Variants in DMD observed in about 807,000 individuals in gnomAD.
The protein encoded by DMD is mutant dystrophin.
In DMD, 63 loss-of-function variants were observed where a neutral mutation model predicts 330.1. The ratio of observed to expected loss-of-function variants is 0.19; its 90% CI spans 0.16 to 0.24. The LOEUF (loss-of-function observed/expected upper bound fraction) is 0.24, where lower values mean the gene tolerates loss of function less well. DMD is among the 10% of genes least tolerant of loss of function. The probability of loss-of-function intolerance (pLI) is 1.00; values close to 1 mark genes in which losing one functional copy is unlikely to be tolerated. For synonymous variants in DMD, 1,223 were observed against 959.8 expected, an observed-to-expected ratio of 1.27 and a Z score of -5.07; for missense variants, 3,344 against 2,684.1, an observed-to-expected ratio of 1.25 and a Z score of -5.43.
At chrX:31,235,434 A>C (rs1209734242) in intron 63 of DMD, among the ~76,000 whole-genome samples, 1 of 112,379 alleles carries the variant, frequency 8.9e-6, no homozygotes, top group African/African-American at 3.2e-5. Context: ...TACTGATAGA[A>C]ATGACTGATG....
chrX:32,387,717 TTAGAAGATA>T (rs1435023327), intron 32 of DMD, among the ~76,000 whole-genome samples: 1 of 111,379 alleles, frequency 9.0e-6, no homozygotes, highest in Non-Finnish European at 1.9e-5. Flanking sequence ...TACTTTTTTC[TTAGAAGATA>T]TAAAAATATC....
At chrX:32,458,902 A>G (rs1050486945) in intron 25 of DMD, among the ~76,000 whole-genome samples, 5 of 111,185 alleles carry the variant, frequency 4.5e-5, no homozygotes, top group African/African-American at 1.6e-4. Context: ...GATATTAATC[A>G]TTTGCCAGAC....
At position 31,792,754 on chromosome X, in the gene DMD, C is replaced by T. The variant is rs113025350; in HGVS notation, c.7310-18562G>A. Among the ~76,000 whole-genome samples, 10 of 111,456 alleles carry T rather than the reference C, an allele frequency of 9.0e-5. No homozygotes were observed. The South Asian group carries it at 1.9e-3, about 21-fold the overall frequency. On this transcript the variant is annotated intron_variant, in intron 50 of 78. Coordinates refer to ENST00000357033, the MANE Select transcript of DMD (RefSeq NM_004006.3). ...CACTGGAGCAGCATCTAGGTGGAGG[C>T]GTCTGCGACCCCTGAAGCCCCAGAG... is the stretch of plus-strand genomic sequence containing the variant.
rs192790462 is a variant in DMD, at chrX:33,009,500, A to G, written c.93+10639T>C. The stretch of plus-strand genomic sequence containing the variant: ...TGTGTATACACATGTGTGTATATGT[A>G]TATGTGTATATACACATATGTGTGT... On this transcript the variant is annotated intron_variant, in intron 2 of 78. Transcript: ENST00000357033. 3.9e-4 allele frequency among the ~76,000 whole-genome samples: 33 copies of G among 84,950 alleles called. 3 individuals carry two copies. Among genetic ancestry groups the G allele is most frequent in the South Asian group, 1.0e-3 (2 of 1,922 alleles). 73.8% of individuals were successfully genotyped at this position (84,950 alleles called of 115,157 possible).
chrX:32,577,878 C>T (rs1439511195), intron 13 of DMD, among the ~76,000 whole-genome samples: 1 of 112,484 alleles, frequency 8.9e-6, no homozygotes, highest in African/African-American at 3.2e-5. Flanking sequence ...TGCTCATACG[C>T]TGTAAACATC....
At chrX:33,319,815 C>T (rs1052288782) in intron 1 of DMD, among the ~76,000 whole-genome samples, 1 of 111,558 alleles carries the variant, frequency 9.0e-6, no homozygotes, top group East Asian at 2.8e-4. Context: ...TTTCCATTTC[C>T]ATGGCTAATT....
At position 31,119,884 on chromosome X, in the gene DMD, GAAT is replaced by G. The variant is rs1340415665; in HGVS notation, c.*2032_*2034del. 1 of 111,729 alleles carries G rather than the reference GAAT, an allele frequency of 9.0e-6. No homozygotes were observed. The highest frequency in any genetic ancestry group is 1.9e-5 in the Non-Finnish European group (1 of 53,061). 9.2% of individuals were successfully genotyped at this position (111,729 alleles called of 1,213,427 possible). ...TTGAAAATTATGAAGGAAAAAGAAAGAATTATAAAGGAAAAAGAAAATAACGCA... is the reference window on the plus strand; with the variant it reads ...TTGAAAATTATGAAGGAAAAAGAAAGTATAAAGGAAAAAGAAAATAACGCA... On this transcript the variant is annotated 3_prime_UTR_variant, in exon 79 of 79. Coordinates refer to ENST00000357033, the MANE Select transcript of DMD (RefSeq NM_004006.3).
At chrX:31,557,583 C>A (rs1478971515) in intron 55 of DMD, among the ~76,000 whole-genome samples, 1 of 112,193 alleles carries the variant, frequency 8.9e-6, no homozygotes, top group Non-Finnish European at 1.9e-5. Context: ...ATCCTTAAAT[C>A]TAGCAATTAG....
chrX:31,440,619 G>A (rs776429331), intron 60 of DMD, among the ~76,000 whole-genome samples: 2 of 112,143 alleles, frequency 1.8e-5, no homozygotes, highest in East Asian at 5.6e-4. Context: ...ACGTAAAAGG[G>A]AATAATGATA....
intron 48 of DMD, among the ~76,000 whole-genome samples, chrX:31,851,724 T>G (rs1449907798): frequency 1.8e-5 from 2 of 111,695 alleles, no homozygotes; most frequent in Admixed American, 1.9e-4. Context: ...TAATGTGTAG[T>G]AAAAGAGAAA....
intron 44 of DMD, among the ~76,000 whole-genome samples, chrX:32,063,601 G>C (rs892818640): frequency 9.9e-5 from 11 of 111,064 alleles, no homozygotes; most frequent in South Asian, 7.5e-4. Context: ...GTGCAAACAC[G>C]AACTTTTATG....
intron 44 of DMD, among the ~76,000 whole-genome samples, chrX:32,123,236 T>TATATAC (rs1557152421): frequency 2.3e-5 from 2 of 87,157 alleles, no homozygotes; most frequent in African/African-American, 8.7e-5. Context: ...TATATATATA[T>TATATAC]ATATATAAAT....
intron 48 of DMD, among the ~76,000 whole-genome samples, chrX:31,862,606 G>A (rs192659706): frequency 8.9e-6 from 1 of 112,290 alleles, no homozygotes; most frequent in Non-Finnish European, 1.9e-5. Context: ...GATAACAACA[G>A]TTCCAGAAAA....
chrX:31,746,313 T>A (rs1053420021), intron 51 of DMD, among the ~76,000 whole-genome samples: 3 of 111,441 alleles, frequency 2.7e-5, no homozygotes, highest in Non-Finnish European at 3.8e-5. Flanking sequence ...ACACAGTTAA[T>A]CAGAATAATT....
chrX:31,434,183 A>C (rs2064294895), intron 60 of DMD, among the ~76,000 whole-genome samples: 1 of 111,566 alleles, frequency 9.0e-6, no homozygotes. Context: ...TTAATTATAC[A>C]TTAACTCTGC....
In DMD at chrX:31,808,082, T is replaced by C. The variant is rs1460888486; in HGVS notation, c.7309+11893A>G. On this transcript the variant is annotated intron_variant, in intron 50 of 78. Transcript: ENST00000357033. Reference sequence around the variant, plus strand: ...TGCCTGGTACAGAGCAAGGCATTAATGCGTGTTAGCCCTAAGATAAATATT... The same window carrying C: ...TGCCTGGTACAGAGCAAGGCATTAACGCGTGTTAGCCCTAAGATAAATATT... 3.6e-5 allele frequency among the ~76,000 whole-genome samples: 4 copies of C among 112,192 alleles called. No individual in the cohort carries two copies. In the Admixed American group the frequency reaches 3.8e-4, roughly 11 times the overall value.
At chrX:31,490,447 A>T (rs978821148) in intron 57 of DMD, among the ~76,000 whole-genome samples, 1 of 111,647 alleles carries the variant, frequency 9.0e-6, no homozygotes, top group African/African-American at 3.3e-5. Flanking sequence ...CTGTAGTCCC[A>T]GCTGAGGCAG....
chrX:31,698,717 G>C (rs1234070771), intron 52 of DMD, among the ~76,000 whole-genome samples: 2 of 111,524 alleles, frequency 1.8e-5, no homozygotes, highest in East Asian at 5.6e-4. Context: ...TTTTCACTTA[G>C]ATATAGAAAA....
intron 45 of DMD, among the ~76,000 whole-genome samples, chrX:31,946,454 A>G (rs1398581921): frequency 9.0e-6 from 1 of 111,671 alleles, no homozygotes; most frequent in East Asian, 2.8e-4. Flanking sequence ...GAACTTTATT[A>G]GTGTATTATT....
Sources: gnomAD v4.1 joint callset for allele counts (sites outside exome capture counted in the v4.1 genomes callset) on GRCh38, gnomAD v4.1.1 for gene constraint, MANE v1.5 for transcripts, NCBI Gene and HGNC (gene_info 2026-07-23, HGNC 2026-07-21) for gene names.